ZNF57: variants seen among roughly 807,000 people sequenced by gnomAD.
ZNF57 encodes the protein zinc finger protein 57, also known as zinc finger protein 424.
In ZNF57, 11 loss-of-function variants were observed where a neutral mutation model predicts 13.4. That is an observed-to-expected ratio of 0.82 (90% CI 0.52 to 1.36). The LOEUF is 1.36. ZNF57 is among the 40% of genes most tolerant of loss of function. The pLI, the probability that ZNF57 is intolerant of heterozygous loss-of-function variation, is 0.00. For missense variants in ZNF57, 696 were observed against 667.5 expected (o/e 1.04, Z -0.47); for synonymous variants, 224 against 238.5 (o/e 0.94, Z 0.56).
Position 2,901,006 on chromosome 19 carries a change from A to C in ZNF57, c.-40A>C. 6.4e-7 allele frequency: 1 copy of C among 1,553,914 alleles called. No homozygotes were observed. The highest frequency in any genetic ancestry group is 1.2e-5 in the South Asian group (1 of 84,410). ...TTTCAGCTGCGCCGGCCGCGAGGCC[A>C]CGGAGAGCTCGCCTTGGAGAGCCCA... is the stretch of plus-strand genomic sequence containing the variant. On this transcript the variant is annotated 5_prime_UTR_variant, in exon 1 of 4. Transcript: ENST00000306908.
intron 1 of ZNF57, among the ~76,000 whole-genome samples, chr19:2,908,683 G>A (rs1339223284): frequency 6.6e-6 from 1 of 151,980 alleles, no homozygotes; most frequent in East Asian, 1.9e-4. Flanking sequence ...GATGACAGGT[G>A]TGAGCCACTG....
rs199551024 is a variant in ZNF57, at chr19:2,916,281, T to C, written c.302+32T>C. The C allele has an allele frequency of 1.2e-3, 1,899 of 1,553,822 alleles. 10 individuals are homozygous for C. Among genetic ancestry groups the C allele is most frequent in the Non-Finnish European group, 8.6e-4 (991 of 1,149,664 alleles). On this transcript the variant is annotated intron_variant, in intron 3 of 3. Transcript: ENST00000306908. Reference sequence around the variant, plus strand: ...TGCACTCACAAGAGAAAAATCCTTGTATGCAATTAAATATATATCTAAGTA... The same window carrying C: ...TGCACTCACAAGAGAAAAATCCTTGCATGCAATTAAATATATATCTAAGTA...
chr19:2,914,633 G>T (rs1335815975), intron 1 of ZNF57, among the ~76,000 whole-genome samples: 1 of 152,160 alleles, frequency 6.6e-6, no homozygotes, highest in African/African-American at 2.4e-5. Context: ...GGTCTCTTTA[G>T]GGGTTACTGT....
chr19:2,916,273 A>T (rs1419255752), intron 3 of ZNF57, 24 bp downstream of exon 3: 3 of 1,570,634 alleles, frequency 1.9e-6, no homozygotes, highest in East Asian at 2.3e-5. Flanking sequence ...ACAAGAGAAA[A>T]ATCCTTGTAT....
Position 2,917,490 on chromosome 19 carries a change from C to G in ZNF57, c.869C>G (p.Thr290Ser), listed in dbSNP as rs956335234. The G allele has an allele frequency of 1.9e-6, 3 of 1,613,620 alleles. No homozygotes were observed. Among genetic ancestry groups the G allele is most frequent in the Middle Eastern group, 3.3e-4 (2 of 6,078 alleles). ...TGTCAGCACTGTGGGAAAGCCTTCA[C>G]TTACCCCCAGGCTTTTCAAAGACAT... ...YKCQHCGKAFTYPQAFQRHEK... is the reference protein window; with the variant it reads ...YKCQHCGKAFSYPQAFQRHEK... Residue 290 changes from threonine to serine, a missense_variant, in exon 4 of 4, where the codon ACT becomes AGT. By Grantham distance (58) the Thr-to-Ser change is moderately conservative. Around this residue, in one of 3 missense-constraint regions of ZNF57, gnomAD observed 645 missense variants for 591.5 expected, o/e 1.09. Coordinates refer to ENST00000306908, the MANE Select transcript of ZNF57 (RefSeq NM_173480.3).
At chr19:2,904,156 C>T (rs2088054028) in intron 1 of ZNF57, among the ~76,000 whole-genome samples, 1 of 152,188 alleles carries the variant, frequency 6.6e-6, no homozygotes, top group Non-Finnish European at 1.5e-5. Flanking sequence ...GGCCACTGCA[C>T]CTGGCCTGAA....
chr19:2,902,458 T>C (rs1204157130), intron 1 of ZNF57, among the ~76,000 whole-genome samples: 1 of 152,134 alleles, frequency 6.6e-6, no homozygotes, highest in African/African-American at 2.4e-5. Flanking sequence ...AGGAAGTCTC[T>C]CAGGAATATT....
chr19:2,913,942 A>G (rs1220650599), intron 1 of ZNF57, among the ~76,000 whole-genome samples: 5 of 151,552 alleles, frequency 3.3e-5, no homozygotes, highest in Non-Finnish European at 2.9e-5. Context: ...CGCCCGGCCA[A>G]TATTTTGTAT....
intron 3 of ZNF57, 88 bp from the exon 4 acceptor site, chr19:2,916,836 T>C (rs1271585190): frequency 8.4e-7 from 1 of 1,184,896 alleles, no homozygotes; most frequent in African/African-American, 1.5e-5. Flanking sequence ...TGAAATGTAG[T>C]TAGACATTAT....
chr19:2,901,630 C>T (rs1048247336), intron 1 of ZNF57, among the ~76,000 whole-genome samples: 4 of 152,072 alleles, frequency 2.6e-5, no homozygotes, highest in African/African-American at 9.7e-5. Flanking sequence ...AAGCGATTCT[C>T]CTGCCTCAGC....
At chr19:2,911,861 G>T (rs1317513549) in intron 1 of ZNF57, among the ~76,000 whole-genome samples, 6 of 152,124 alleles carry the variant, frequency 3.9e-5, no homozygotes, top group Non-Finnish European at 4.4e-5. Flanking sequence ...GTTTTTGCAT[G>T]TTGTCTACTT....
intron 1 of ZNF57, among the ~76,000 whole-genome samples, chr19:2,908,661 C>T (rs2088099370): frequency 6.6e-6 from 1 of 151,910 alleles, no homozygotes; most frequent in African/African-American, 2.4e-5. Flanking sequence ...CCTCGGCCTC[C>T]CAAAGTGCTG....
chr19:2,904,298 C>T (rs61625924), intron 1 of ZNF57, among the ~76,000 whole-genome samples: 4,533 of 152,262 alleles, frequency 0.03, 101 homozygotes, highest in Middle Eastern at 0.1. Flanking sequence ...ATCATTCCAG[C>T]GTTTGTCAGG....
intron 1 of ZNF57, among the ~76,000 whole-genome samples, chr19:2,910,695 C>T (rs1185182813): frequency 1.8e-5 from 2 of 113,702 alleles, no homozygotes; most frequent in African/African-American, 3.0e-5. Flanking sequence ...CTCCTGACAT[C>T]GTGATCTGCC....
intron 1 of ZNF57, among the ~76,000 whole-genome samples, chr19:2,907,666 A>C (rs764988100): frequency 8.5e-5 from 13 of 152,140 alleles, no homozygotes; most frequent in Middle Eastern, 3.2e-3. Context: ...AGTTTTGGCT[A>C]TTTTTAGACT....
At chr19:2,911,065 A>ATATT (rs71179929) in intron 1 of ZNF57, among the ~76,000 whole-genome samples, 54,290 of 150,052 alleles carry the variant, frequency 0.36, 10,082 homozygotes, top group Non-Finnish European at 0.43. Flanking sequence ...AGCCCTAGAG[A>ATATT]TATTTATTTA....
rs1491033425 is a variant in ZNF57, at chr19:2,905,418, C to CCG, written c.3+4370_3+4371insCG. Among the ~76,000 whole-genome samples the CCG allele has an allele frequency of 2.5e-5, 2 of 78,990 alleles. 1 individual carries two copies. Among genetic ancestry groups the CCG allele is most frequent in the East Asian group, 4.9e-4 (2 of 4,074 alleles). The allele number at this position is 78,990 out of a possible 152,430, so 51.8% of individuals were successfully genotyped here. A position where few individuals can be genotyped will look rare whatever the true frequency, so the allele number is the denominator to read the frequency against. On this transcript the variant is annotated intron_variant, in intron 1 of 3. Coordinates refer to ENST00000306908, the MANE Select transcript of ZNF57 (RefSeq NM_173480.3). The stretch of plus-strand genomic sequence containing the variant: ...GACTTCAGGTGATCGCCCCCCCCCC[C>CCG]TCGGCATTCCAAAGTATTTGCATTA...
chr19:2,915,338 G>T, intron 1 of ZNF57, 184 bp from the exon 2 acceptor site: 3 of 706,518 alleles, frequency 4.2e-6, no homozygotes, highest in Non-Finnish European at 6.8e-6. Flanking sequence ...GATAAGTTCA[G>T]ACTGATAGTG....
chr19:2,917,713 T>G lies in ZNF57; in HGVS notation c.1092T>G (p.Tyr364Ter). 1.9e-6 allele frequency: 3 copies of G among 1,613,750 alleles called. No homozygotes were observed. Among genetic ancestry groups the G allele is most frequent in the African/African-American group, 2.7e-5 (2 of 74,898 alleles). ...GGACGCACACTGGAGAGAAACCTTATGAGTGTAAACAATGTGGGAAAGCCT... is the reference window on the plus strand; with the variant it reads ...GGACGCACACTGGAGAGAAACCTTAGGAGTGTAAACAATGTGGGAAAGCCT... Reference protein sequence around the residue: ...HLRTHTGEKPYECKQCGKAFT... With the variant: ...HLRTHTGEKP Residue 364 changes from tyrosine to a stop codon, truncating the protein, a stop_gained, in exon 4 of 4, where the codon TAT (tyrosine) becomes TAG (stop). Transcript: ENST00000306908. LOFTEE classifies it low-confidence loss of function (END_TRUNC).
Sources: gnomAD v4.1 joint callset for allele counts (sites outside exome capture counted in the v4.1 genomes callset) on GRCh38, gnomAD v4.1.1 for gene constraint, gnomAD v4.1.1 regional missense constraint, MANE v1.5 for transcripts, NCBI Gene and HGNC (gene_info 2026-07-23, HGNC 2026-07-21) for gene names.